Variants in SMIM35 observed in about 807,000 individuals in gnomAD.
The protein encoded by SMIM35 is TMPRSS4 antisense RNA 1 (non-protein coding).
At chr11:118,009,973 G>A (rs2508448) in intron 4 of SMIM35, among the ~76,000 whole-genome samples, 1 of 152,086 alleles carries the variant, frequency 6.6e-6, no homozygotes, top group African/African-American at 2.4e-5. Context: ...ACTCTGCTCA[G>A]CTCTGGTGCA....
At chr11:118,064,113 C>T (rs989570642) in intron 1 of SMIM35, among the ~76,000 whole-genome samples, 3 of 152,160 alleles carry the variant, frequency 2.0e-5, no homozygotes, top group East Asian at 1.9e-4. Flanking sequence ...TGAGTTGACT[C>T]GAAGTGTCAG....
At position 118,026,248 on chromosome 11, in the gene SMIM35, A is replaced by G. The variant is rs575685483; in HGVS notation, c.8-10439T>C. On this transcript the variant is annotated intron_variant, in intron 1 of 4. Transcript: ENST00000689828. ...TGTGATGCCTGTGGTAAAGCCACATATTTTAGAACTAAACATAGAAAATGA... is the reference window on the plus strand; with the variant it reads ...TGTGATGCCTGTGGTAAAGCCACATGTTTTAGAACTAAACATAGAAAATGA... 1.3e-4 allele frequency among the ~76,000 whole-genome samples: 20 copies of G among 152,324 alleles called. No individual in the cohort carries two copies. In the South Asian group the frequency reaches 1.7e-3, roughly 13 times the overall value.
At chr11:118,086,255 T>A (rs963676312) in intron 1 of SMIM35, among the ~76,000 whole-genome samples, 2 of 152,202 alleles carry the variant, frequency 1.3e-5, no homozygotes, top group Non-Finnish European at 2.9e-5. Flanking sequence ...TGATGGGAGC[T>A]GAACAGCAGG....
chr11:118,038,370 G>T (rs1262008459), intron 1 of SMIM35, among the ~76,000 whole-genome samples: 1 of 152,164 alleles, frequency 6.6e-6, no homozygotes, highest in Non-Finnish European at 1.5e-5. Flanking sequence ...TAAAGAATTT[G>T]TCACATCCAG....
chr11:118,016,733 G>A (rs898167327), intron 1 of SMIM35, among the ~76,000 whole-genome samples: 3 of 152,146 alleles, frequency 2.0e-5, no homozygotes, highest in Non-Finnish European at 2.9e-5. Context: ...TGCTCTGATG[G>A]AAAATAAGAC....
intron 1 of SMIM35, among the ~76,000 whole-genome samples, chr11:118,037,067 T>C (rs1196312752): frequency 6.6e-6 from 1 of 152,178 alleles, no homozygotes. Flanking sequence ...TAGGGATTCT[T>C]AGTTGGCTTA....
At chr11:118,052,238 C>A (rs574617708) in intron 1 of SMIM35, among the ~76,000 whole-genome samples, 1 of 152,310 alleles carries the variant, frequency 6.6e-6, no homozygotes, top group South Asian at 2.1e-4. Flanking sequence ...CAGAGGAAAA[C>A]TCAGACTCCA....
intron 1 of SMIM35, among the ~76,000 whole-genome samples, chr11:118,066,803 T>A (rs1399882239): frequency 6.8e-6 from 1 of 146,542 alleles, no homozygotes. Context: ...CCAGCCTGGG[T>A]GACAGAGTGA....
chr11:118,046,867 A>G lies in SMIM35; in HGVS notation c.8-31058T>C, dbSNP rs572751798. ...TTTCCCAAAGTAATTAGTTCTGGTT[A>G]TCTCACTTTGAGGAGGAAGAAAGTG... On this transcript the variant is annotated intron_variant, in intron 1 of 4. Transcript: ENST00000689828. Among the ~76,000 whole-genome samples, 64 of 152,350 alleles carry G rather than the reference A, an allele frequency of 4.2e-4. No individual in the cohort carries two copies. The South Asian group carries it at 4.8e-3, about 11-fold the overall frequency.
At chr11:118,077,478 C>A (rs2135164378) in intron 1 of SMIM35, among the ~76,000 whole-genome samples, 1 of 152,348 alleles carries the variant, frequency 6.6e-6, no homozygotes, top group South Asian at 2.1e-4. Context: ...GTCTCATACC[C>A]ACCTGCCTTC....
chr11:118,081,387 C>T (rs1426500887), intron 1 of SMIM35, among the ~76,000 whole-genome samples: 1 of 152,194 alleles, frequency 6.6e-6, no homozygotes, highest in East Asian at 1.9e-4. Flanking sequence ...TCTAACGCCA[C>T]CTCCCAGCCT....
intron 1 of SMIM35, among the ~76,000 whole-genome samples, chr11:118,063,396 C>G (rs1944422225): frequency 6.6e-6 from 1 of 152,190 alleles, no homozygotes; most frequent in Non-Finnish European, 1.5e-5. Flanking sequence ...TCTCTCTCGT[C>G]TGCATTTTTC....
intron 1 of SMIM35, among the ~76,000 whole-genome samples, chr11:118,048,964 A>AAAAAAAAAAAAAAAT (rs1944160905): frequency 6.7e-6 from 1 of 149,414 alleles, no homozygotes; most frequent in Non-Finnish European, 1.5e-5. Context: ...AAAAAAAAAA[A>AAAAAAAAAAAAAAAT]GCAAGTGAAA....
At chr11:118,076,459 GA>G (rs1054946321) in intron 1 of SMIM35, among the ~76,000 whole-genome samples, 3 of 151,776 alleles carry the variant, frequency 2.0e-5, no homozygotes, top group Non-Finnish European at 4.4e-5. Flanking sequence ...AAAAAGAAAA[GA>G]AAAAAAGAAA....
At chr11:118,016,456 G>A (rs2058183875) in intron 1 of SMIM35, among the ~76,000 whole-genome samples, 1 of 152,174 alleles carries the variant, frequency 6.6e-6, no homozygotes, top group Non-Finnish European at 1.5e-5. Flanking sequence ...TGACAGTGGG[G>A]GCACCCTACG....
chr11:118,067,725 G>T (rs1024430145), intron 1 of SMIM35, among the ~76,000 whole-genome samples: 1 of 151,144 alleles, frequency 6.6e-6, no homozygotes, highest in Non-Finnish European at 1.5e-5. Flanking sequence ...TCAACTTCTC[G>T]GGAGGCTGAG....
intron 1 of SMIM35, among the ~76,000 whole-genome samples, chr11:118,029,184 C>T (rs377646375): frequency 1.6e-4 from 24 of 152,046 alleles, no homozygotes; most frequent in African/African-American, 5.1e-4. Flanking sequence ...CTCAAGAGGC[C>T]AGGGCAGTGG....
Position 118,046,862 on chromosome 11 carries a change from T to C in SMIM35, c.8-31053A>G, listed in dbSNP as rs1479710387. On this transcript the variant is annotated intron_variant, in intron 1 of 4. Coordinates refer to ENST00000689828, the MANE Select transcript of SMIM35 (RefSeq NM_001394165.1). ...GGGAGTTTCCCAAAGTAATTAGTTC[T>C]GGTTATCTCACTTTGAGGAGGAAGA... 6.6e-5 allele frequency among the ~76,000 whole-genome samples: 10 copies of C among 152,336 alleles called. 1 individual carries two copies. The East Asian group carries it at 9.6e-4, about 15-fold the overall frequency.
chr11:118,037,485 C>T (rs983622552), intron 1 of SMIM35, among the ~76,000 whole-genome samples: 2 of 152,208 alleles, frequency 1.3e-5, no homozygotes, highest in African/African-American at 4.8e-5. Context: ...TGAAGCTCCC[C>T]TGCTCTACGT....
Sources: gnomAD v4.1 joint callset for allele counts (sites outside exome capture counted in the v4.1 genomes callset) on GRCh38, gnomAD v4.1.1 for gene constraint, MANE v1.5 for transcripts, NCBI Gene and HGNC (gene_info 2026-07-23, HGNC 2026-07-21) for gene names.